ALOX5AP: variants seen among roughly 807,000 people sequenced by gnomAD.
The protein encoded by ALOX5AP is arachidonate 5-lipoxygenase-activating protein.
A neutral mutation model predicts 18.5 loss-of-function variants in ALOX5AP; 9 were observed. The observed-to-expected ratio is 0.49, with a 90% CI of 0.29 to 0.85. The LOEUF is 0.85. Ranked by LOEUF, ALOX5AP falls within the 40% of genes least tolerant of loss-of-function variation. ALOX5AP has a pLI of 0.08. For synonymous variants in ALOX5AP, 81 were observed against 78.6 expected (o/e 1.03, Z -0.16); for missense variants, 172 against 202.5 (o/e 0.85, Z 0.91).
chr13:30,755,131 T>C (rs183261584), intron 3 of ALOX5AP, among the ~76,000 whole-genome samples: 68 of 151,898 alleles, frequency 4.5e-4, no homozygotes, highest in African/African-American at 1.4e-3. Context: ...AAAGCTAGAA[T>C]GCAGAGGGAA....
chr13:30,724,669 T>A (rs1469473960), intron 1 of ALOX5AP, among the ~76,000 whole-genome samples: 1 of 152,228 alleles, frequency 6.6e-6, no homozygotes, highest in African/African-American at 2.4e-5. Context: ...ATCTTCTAGC[T>A]ACTATCAATA....
At chr13:30,730,984 C>A (rs1234786363), upstream of ALOX5AP, among the ~76,000 whole-genome samples, 5 of 151,982 alleles carry the variant, frequency 3.3e-5, no homozygotes, top group Admixed American at 1.3e-4. Context: ...CAGATCAGTG[C>A]AGCATATGCA....
At chr13:30,736,672 C>T (rs1951724432) in intron 1 of ALOX5AP, among the ~76,000 whole-genome samples, 1 of 152,200 alleles carries the variant, frequency 6.6e-6, no homozygotes, top group African/African-American at 2.4e-5. Context: ...CTTCTGGGCA[C>T]AGAGCAAGCC....
intron 4 of ALOX5AP, among the ~76,000 whole-genome samples, chr13:30,762,448 G>A (rs904169383): frequency 6.6e-6 from 1 of 152,112 alleles, no homozygotes; most frequent in African/African-American, 2.4e-5. Context: ...AATTAGCCAG[G>A]TGTGGTGGCA....
rs369521856 is a variant in ALOX5AP, at chr13:30,762,719, A to G, written c.324-1225A>G. On this transcript the variant is annotated intron_variant, in intron 4 of 4. Transcript: ENST00000380490. The stretch of plus-strand genomic sequence containing the variant: ...ATGCTGCTCTCTGATTATGGCAGGA[A>G]ACGGCACTTGGCAGTACGAAGTTAG... Among the ~76,000 whole-genome samples, 73 of 152,350 alleles carry G rather than the reference A, an allele frequency of 4.8e-4. 1 individual carries two copies. In the East Asian group the frequency reaches 0.011, roughly 23 times the overall value.
chr13:30,749,125 A>C (rs1337344429), intron 2 of ALOX5AP, among the ~76,000 whole-genome samples: 1 of 152,224 alleles, frequency 6.6e-6, no homozygotes, highest in Non-Finnish European at 1.5e-5. Flanking sequence ...GGAGAATTTC[A>C]TTCAACTCCA....
rs539780147 is a variant in ALOX5AP at position 30,736,280 on chromosome 13, GAA to G, written c.70+607_70+608del. On this transcript the variant is annotated intron_variant, in intron 1 of 4. Transcript: ENST00000380490. ...TTTTTCATATGCAGTGTATACTTCA[GAA>G]AGAGAGAGAGAGAGAGGAAAATTGT... Among the ~76,000 whole-genome samples, 603 of 151,812 alleles carry G rather than the reference GAA, an allele frequency of 4.0e-3. 3 individuals are homozygous for G. The highest frequency in any genetic ancestry group is 4.7e-3 in the Non-Finnish European group (321 of 67,962).
intron 2 of ALOX5AP, among the ~76,000 whole-genome samples, chr13:30,746,066 G>A (rs913544737): frequency 1.3e-5 from 2 of 152,236 alleles, no homozygotes; most frequent in Admixed American, 1.3e-4. Context: ...GCCCCCGGGA[G>A]TGAACAGCTC....
chr13:30,735,459 A>AG, upstream of ALOX5AP: 2 of 1,073,736 alleles, frequency 1.9e-6, no homozygotes, highest in Non-Finnish European at 2.5e-6. Context: ...AAAAAAAAAA[A>AG]GGAAGAAGAA....
upstream of ALOX5AP, among the ~76,000 whole-genome samples, chr13:30,734,058 A>G (rs1305848137): frequency 1.3e-5 from 2 of 152,218 alleles, no homozygotes; most frequent in African/African-American, 4.8e-5. Flanking sequence ...CATGGTGTCC[A>G]TGAGCATGTG....
chr13:30,740,390 T>C (rs1951753342), intron 1 of ALOX5AP, among the ~76,000 whole-genome samples: 2 of 152,338 alleles, frequency 1.3e-5, no homozygotes, highest in South Asian at 2.1e-4. Flanking sequence ...CACAAGATGA[T>C]ATAGTTAAAG....
upstream of ALOX5AP, among the ~76,000 whole-genome samples, chr13:30,733,280 G>C (rs1222472745): frequency 6.6e-6 from 1 of 151,948 alleles, no homozygotes; most frequent in Non-Finnish European, 1.5e-5. Flanking sequence ...TAGACTCTTT[G>C]AGTGAATAAA....
rs537154631 is a variant in ALOX5AP at position 30,764,190 on chromosome 13, C to G, written c.*84C>G. ...ATTCAGCTCTTGAGAGCATTCTGCTCTTCTTTAGATGGCTGTAAATCTATT... is the reference window on the plus strand; with the variant it reads ...ATTCAGCTCTTGAGAGCATTCTGCTGTTCTTTAGATGGCTGTAAATCTATT... On this transcript the variant is annotated 3_prime_UTR_variant, in exon 5 of 5. Coordinates refer to ENST00000380490, the MANE Select transcript of ALOX5AP (RefSeq NM_001629.4). 4.9e-6 allele frequency: 7 copies of G among 1,434,058 alleles called. No homozygotes were observed. In the South Asian group the frequency reaches 6.8e-5, roughly 14 times the overall value. The allele number at this position is 1,434,058 out of a possible 1,614,324, so 88.8% of individuals were successfully genotyped here.
chr13:30,744,193 G>A (rs762676655), intron 2 of ALOX5AP, 34 bp downstream of exon 2: 4 of 1,592,264 alleles, frequency 2.5e-6, no homozygotes, highest in Non-Finnish European at 3.4e-6. Context: ...TAATAAGTGG[G>A]GGCATGGGCA....
In ALOX5AP at chr13:30,764,256, C is replaced by T. The variant is rs1384589086; in HGVS notation, c.*150C>T. On this transcript the variant is annotated 3_prime_UTR_variant, in exon 5 of 5. Coordinates refer to ENST00000380490, the MANE Select transcript of ALOX5AP (RefSeq NM_001629.4). Reference sequence around the variant, plus strand: ...ACAGCTTGAGTTAACCTTGCTTTTCCGGGAACAAAATGATGTCATGTCAGC... The same window carrying T: ...ACAGCTTGAGTTAACCTTGCTTTTCTGGGAACAAAATGATGTCATGTCAGC... The T allele has an allele frequency of 2.6e-5, 22 of 861,584 alleles. No homozygotes were observed. The highest frequency in any genetic ancestry group is 2.3e-4 in the South Asian group (11 of 48,272). The allele number at this position is 861,584 out of a possible 1,614,324, so 53.4% of individuals were successfully genotyped here.
upstream of ALOX5AP, among the ~76,000 whole-genome samples, chr13:30,732,648 T>A (rs79269472): frequency 0.015 from 2,229 of 151,806 alleles, 60 homozygotes; most frequent in African/African-American, 0.051. Context: ...GTCCTAAGAG[T>A]TTAGATGAGA....
At chr13:30,717,747 C>A (rs371969913) in intron 1 of ALOX5AP, among the ~76,000 whole-genome samples, 5 of 152,280 alleles carry the variant, frequency 3.3e-5, no homozygotes, top group South Asian at 4.1e-4. Context: ...GCCTATCAGC[C>A]TCTACATGTT....
At chr13:30,760,642 G>C (rs1212342103) in intron 4 of ALOX5AP, among the ~76,000 whole-genome samples, 1 of 152,234 alleles carries the variant, frequency 6.6e-6, no homozygotes. Context: ...GCCTCACACA[G>C]GCAGGTCTGA....
chr13:30,740,779 T>C (rs755505746), intron 1 of ALOX5AP, among the ~76,000 whole-genome samples: 1 of 152,058 alleles, frequency 6.6e-6, no homozygotes, highest in Non-Finnish European at 1.5e-5. Flanking sequence ...ATTCTGGAAG[T>C]GGGAGAAGGA....
Sources: gnomAD v4.1 joint callset for allele counts (sites outside exome capture counted in the v4.1 genomes callset) on GRCh38, gnomAD v4.1.1 for gene constraint, MANE v1.5 for transcripts, NCBI Gene and HGNC (gene_info 2026-07-23, HGNC 2026-07-21) for gene names.